The following F8 variants were observed in gnomAD, a reference collection of about 807,000 sequenced individuals.
F8 encodes the protein antihemophilic factor.
F8 carries 12 observed loss-of-function variants against 140.6 expected under a neutral mutation model. The observed-to-expected ratio is 0.09, with a 90% confidence interval of 0.05 to 0.14. F8 has a LOEUF of 0.14. F8 is among the 10% of genes least tolerant of loss of function. The probability of loss-of-function intolerance (pLI) is 1.00; values close to 1 mark genes in which losing one functional copy is unlikely to be tolerated. For synonymous variants in F8, 585 were observed against 614.6 expected, an observed-to-expected ratio of 0.95 and a Z score of 0.71; for missense variants, 1,354 against 1,720.7, an observed-to-expected ratio of 0.79 and a Z score of 3.77.
intron 1 of F8, among the ~76,000 whole-genome samples, chrX:155,015,184 T>C (rs1183703907): frequency 8.9e-6 from 1 of 111,781 alleles, no homozygotes; most frequent in Non-Finnish European, 1.9e-5. Flanking sequence ...AGTCACACCA[T>C]ACAGAAAATT....
chrX:154,903,844 C>G (rs1243069411), intron 18 of F8, 62 bp downstream of exon 18: 1 of 1,017,266 alleles, frequency 9.8e-7, no homozygotes, highest in Non-Finnish European at 1.4e-6. Context: ...GTGCCTAGAC[C>G]ATTTAAAGTA....
At chrX:154,906,379 A>T (rs2073038231) in intron 15 of F8, 41 bp downstream of exon 15, 1 of 1,152,082 alleles carries the variant, frequency 8.7e-7, no homozygotes, top group Non-Finnish European at 1.2e-6. Context: ...AAATAAATAT[A>T]TAAAATTAAT....
chrX:154,924,211 G>A (rs1295489354), intron 14 of F8, among the ~76,000 whole-genome samples: 1 of 111,814 alleles, frequency 8.9e-6, no homozygotes, highest in Non-Finnish European at 1.9e-5. Context: ...GTAGAGTGGG[G>A]TGCTGCTGAA....
chrX:154,849,067 G>A (rs782637418), intron 25 of F8, among the ~76,000 whole-genome samples: 3 of 111,213 alleles, frequency 2.7e-5, no homozygotes, highest in East Asian at 5.6e-4. Flanking sequence ...CTAGCCTCCC[G>A]AGTTCACGCC....
At chrX:154,876,734 A>T (rs1016580087) in intron 22 of F8, among the ~76,000 whole-genome samples, 1 of 111,360 alleles carries the variant, frequency 9.0e-6, no homozygotes, top group African/African-American at 3.3e-5. Context: ...CCCAGGTAAT[A>T]AGTAAACACT....
intron 13 of F8, among the ~76,000 whole-genome samples, chrX:154,943,409 C>G: frequency 9.0e-6 from 1 of 111,663 alleles, no homozygotes; most frequent in Non-Finnish European, 1.9e-5. Flanking sequence ...AAGCGAACTC[C>G]CATTCACAAT....
chrX:154,857,824 G>A (rs1169714727), intron 25 of F8, among the ~76,000 whole-genome samples: 1 of 112,437 alleles, frequency 8.9e-6, no homozygotes, highest in African/African-American at 3.2e-5. Context: ...GACCTCAGCA[G>A]ATAAGGATTT....
intron 21 of F8, 139 bp from the exon 22 acceptor site, chrX:154,896,371 C>G (rs1603432789): frequency 1.6e-6 from 1 of 624,364 alleles, no homozygotes; most frequent in Non-Finnish European, 2.6e-6. Context: ...GTGAAGCAGT[C>G]ACCAATGTTG....
chrX:154,924,015 T>C (rs373179398), intron 14 of F8, among the ~76,000 whole-genome samples: 1 of 112,250 alleles, frequency 8.9e-6, no homozygotes, highest in African/African-American at 3.2e-5. Flanking sequence ...CAAGCTTTCT[T>C]TCTTTGCCTG....
intron 14 of F8, among the ~76,000 whole-genome samples, chrX:154,909,895 T>C (rs1192703096): frequency 8.9e-6 from 1 of 112,575 alleles, no homozygotes; most frequent in Non-Finnish European, 1.9e-5. Context: ...TTTTGAAACA[T>C]ACAATAAATC....
At chrX:154,957,754 C>T (rs1205470736) in intron 10 of F8, among the ~76,000 whole-genome samples, 3 of 108,247 alleles carry the variant, frequency 2.8e-5, no homozygotes, top group Non-Finnish European at 5.7e-5. Flanking sequence ...GGTGTGGTGG[C>T]AGGCACTTGT....
At chrX:154,974,065 G>A (rs782694855) in intron 6 of F8, among the ~76,000 whole-genome samples, 1 of 111,269 alleles carries the variant, frequency 9.0e-6, no homozygotes, top group East Asian at 2.8e-4. Flanking sequence ...TGATCTGCCC[G>A]CCTTGGCCTC....
chrX:154,999,392 T>C, intron 2 of F8, 87 bp downstream of exon 2: 2 of 1,046,130 alleles, frequency 1.9e-6, no homozygotes, highest in Non-Finnish European at 2.6e-6. Flanking sequence ...AGCTGCACTT[T>C]TTAACTGCAA....
chrX:154,867,352 C>T (rs2072738740), intron 22 of F8, among the ~76,000 whole-genome samples: 1 of 110,709 alleles, frequency 9.0e-6, no homozygotes, highest in Non-Finnish European at 1.9e-5. Context: ...CCAACATCAC[C>T]CTGATACCAT....
At chrX:154,921,551 A>C (rs2073130630) in intron 14 of F8, among the ~76,000 whole-genome samples, 1 of 111,832 alleles carries the variant, frequency 8.9e-6, no homozygotes, top group African/African-American at 3.2e-5. Context: ...AGGACTATAA[A>C]TCATGCTGCT....
intron 14 of F8, among the ~76,000 whole-genome samples, chrX:154,907,007 A>T (rs1358745937): frequency 8.9e-6 from 1 of 112,163 alleles, no homozygotes; most frequent in Admixed American, 9.4e-5. Context: ...CCTTTGGTAC[A>T]TAAATGCAAT....
intron 1 of F8, among the ~76,000 whole-genome samples, chrX:155,000,802 T>C (rs1054684158): frequency 1.4e-4 from 16 of 111,914 alleles, no homozygotes; most frequent in Non-Finnish European, 2.4e-4. Context: ...TCAGGGACTT[T>C]TGAAAAGTGG....
intron 1 of F8, among the ~76,000 whole-genome samples, chrX:155,017,999 G>T (rs1295852527): frequency 1.8e-5 from 2 of 110,386 alleles, no homozygotes; most frequent in East Asian, 5.6e-4. Context: ...TCAGTAGCTG[G>T]GATTACAGGT....
intron 12 of F8, among the ~76,000 whole-genome samples, chrX:154,951,597 G>A (rs2073338014): frequency 9.0e-6 from 1 of 111,602 alleles, no homozygotes; most frequent in South Asian, 3.7e-4. Flanking sequence ...ATTGTCACAT[G>A]GTATTTCATT....
Sources: allele counts gnomAD v4.1 joint callset (sites outside exome capture counted in the v4.1 genomes callset), GRCh38; gene constraint gnomAD v4.1.1; transcripts MANE v1.5; gene names NCBI Gene and HGNC (gene_info 2026-07-23, HGNC 2026-07-21).